Variants in STAM observed in about 807,000 individuals in gnomAD.
The protein encoded by STAM is signal transducing adaptor molecule, also known as signal transducing adapter molecule 1.
Under a neutral mutation model 63.4 loss-of-function variants are expected in STAM, and 16 were observed. The observed-to-expected ratio is 0.25, with a 90% CI of 0.17 to 0.38. The LOEUF is 0.38. STAM is among the 10% of genes least tolerant of loss of function. The pLI is 1.00. For synonymous variants in STAM, 238 were observed against 223.9 expected (o/e 1.06, Z -0.56); for missense variants, 636 against 657.1 (o/e 0.97, Z 0.35).
intron 2 of STAM, among the ~76,000 whole-genome samples, chr10:17,668,861 A>G (rs1157044388): frequency 3.3e-5 from 5 of 152,204 alleles, no homozygotes; most frequent in African/African-American, 1.2e-4. Flanking sequence ...TTATTAACCT[A>G]CTGAAGGACA....
At chr10:17,675,303 AG>A (rs1834801851) in intron 2 of STAM, among the ~76,000 whole-genome samples, 1 of 152,214 alleles carries the variant, frequency 6.6e-6, no homozygotes, top group Non-Finnish European at 1.5e-5. Context: ...CAGGAGTTTG[AG>A]ACCAGCCTGG....
chr10:17,714,446 C>G, intron 13 of STAM, 97 bp from the exon 14 acceptor site: 1 of 1,130,052 alleles, frequency 8.8e-7, no homozygotes, highest in East Asian at 2.4e-5. Flanking sequence ...AATGAATTGA[C>G]TATATGAATG....
At chr10:17,713,957 G>C (rs1299751173) in intron 13 of STAM, among the ~76,000 whole-genome samples, 3 of 151,930 alleles carry the variant, frequency 2.0e-5, no homozygotes, top group Admixed American at 6.6e-5. Flanking sequence ...CTCTCCCCTC[G>C]GCACCCCCTG....
At chr10:17,675,924 A>G (rs1243386003) in intron 2 of STAM, among the ~76,000 whole-genome samples, 2 of 152,168 alleles carry the variant, frequency 1.3e-5, no homozygotes, top group Admixed American at 6.5e-5. Flanking sequence ...ATAGCACTCC[A>G]TGTGGTGGAA....
Position 17,715,516 on chromosome 10 carries a change from T to C in STAM, c.*736T>C, listed in dbSNP as rs1836779864. ...TTGGTGCAATTATAGCAAATGATAA[T>C]GTTCCCTTTTGAACTTTTACATTTT... is the stretch of plus-strand genomic sequence containing the variant. On this transcript the variant is annotated 3_prime_UTR_variant, in exon 14 of 14. Transcript: ENST00000377524. The C allele has an allele frequency of 6.6e-6, 1 of 152,596 alleles. No homozygotes were observed. Among genetic ancestry groups the C allele is most frequent in the Admixed American group, 6.5e-5 (1 of 15,284 alleles). The allele number at this position is 152,596 out of a possible 1,614,324, so 9.5% of individuals were successfully genotyped here.
chr10:17,695,258 AT>A lies in STAM; in HGVS notation c.728+20del. On this transcript the variant is annotated intron_variant, in intron 7 of 13. Coordinates refer to ENST00000377524, the MANE Select transcript of STAM (RefSeq NM_003473.4). ...TGATGACAGGTAATGTTAATATTACATTTAAAATTTGTATGAAAGTGTGTAT... is the reference window on the plus strand; with the variant it reads ...TGATGACAGGTAATGTTAATATTACATTAAAATTTGTATGAAAGTGTGTAT... 6.2e-7 allele frequency: 1 copy of A among 1,605,444 alleles called. No homozygotes were observed. The highest frequency in any genetic ancestry group is 1.7e-5 in the Admixed American group (1 of 59,456).
At chr10:17,711,236 G>T (rs1159711243) in intron 13 of STAM, among the ~76,000 whole-genome samples, 1 of 152,198 alleles carries the variant, frequency 6.6e-6, no homozygotes, top group Non-Finnish European at 1.5e-5. Flanking sequence ...TCCTAGGACA[G>T]TCTTATTGTT....
intron 1 of STAM, among the ~76,000 whole-genome samples, chr10:17,645,336 C>T (rs1463030088): frequency 1.3e-5 from 2 of 152,012 alleles, no homozygotes; most frequent in African/African-American, 4.8e-5. Flanking sequence ...ATTTACTTGT[C>T]TTTGTGTATT....
chr10:17,676,724 C>T (rs1834871695), intron 2 of STAM, among the ~76,000 whole-genome samples: 1 of 152,078 alleles, frequency 6.6e-6, no homozygotes, highest in African/African-American at 2.4e-5. Flanking sequence ...AAGGGTACTG[C>T]CATAGAGAAT....
At chr10:17,654,895 G>A (rs1554821968) in intron 1 of STAM, among the ~76,000 whole-genome samples, 1 of 152,084 alleles carries the variant, frequency 6.6e-6, no homozygotes, top group East Asian at 1.9e-4. Flanking sequence ...TCTTAATGTT[G>A]TTCTCTTATT....
Position 17,644,199 on chromosome 10 carries a change from GT to G in STAM, c.-140del, listed in dbSNP as rs1468491007. The G allele has an allele frequency of 1.1e-6, 1 of 873,810 alleles. No homozygotes were observed. The highest frequency in any genetic ancestry group is 1.7e-5 in the African/African-American group (1 of 59,796). 54.1% of individuals were successfully genotyped at this position (873,810 alleles called of 1,614,324 possible). ...CTGCTGCCGCGGTTGGTGGGGTTGG[GT>G]GAGAGGAGGAGCTGTCGCGGACCCT... On this transcript the variant is annotated 5_prime_UTR_variant, in exon 1 of 14. Coordinates refer to ENST00000377524, the MANE Select transcript of STAM (RefSeq NM_003473.4).
intron 9 of STAM, among the ~76,000 whole-genome samples, chr10:17,701,941 C>G (rs1360546498): frequency 6.6e-6 from 1 of 151,860 alleles, no homozygotes. Flanking sequence ...AAAATAGGAC[C>G]AAAATGAATT....
intron 2 of STAM, chr10:17,672,954 T>G: frequency 2.3e-6 from 2 of 886,722 alleles, no homozygotes; most frequent in Non-Finnish European, 2.7e-6. Context: ...GACCCCTATC[T>G]TTTTCTTTTC....
intron 2 of STAM, among the ~76,000 whole-genome samples, chr10:17,673,692 A>G: frequency 6.6e-6 from 1 of 152,216 alleles, no homozygotes; most frequent in East Asian, 1.9e-4. Flanking sequence ...AACCCAACAG[A>G]AGAGAGGTGT....
intron 2 of STAM, among the ~76,000 whole-genome samples, chr10:17,664,177 A>G (rs1326535084): frequency 2.6e-5 from 4 of 152,116 alleles, no homozygotes; most frequent in Non-Finnish European, 4.4e-5. Flanking sequence ...ATATTCACAG[A>G]TCAACTTAGT....
chr10:17,652,846 A>G (rs575172665), intron 1 of STAM, among the ~76,000 whole-genome samples: 1 of 151,910 alleles, frequency 6.6e-6, no homozygotes, highest in Non-Finnish European at 1.5e-5. Flanking sequence ...AGGCTCTGGG[A>G]CTCCTCAATC....
At chr10:17,654,222 T>C (rs1342910333) in intron 1 of STAM, among the ~76,000 whole-genome samples, 2 of 151,808 alleles carry the variant, frequency 1.3e-5, no homozygotes, top group Non-Finnish European at 2.9e-5. Context: ...TTGTTATTAT[T>C]ATTATTATTA....
In STAM at chr10:17,648,405, G is replaced by T. The variant is rs143962408; in HGVS notation, c.40+4026G>T. ...AGGACATGGGCGGGGACAAATAAGAGAATAAAAGCTGGGCACCCTAGCCAG... is the reference window on the plus strand; with the variant it reads ...AGGACATGGGCGGGGACAAATAAGATAATAAAAGCTGGGCACCCTAGCCAG... On this transcript the variant is annotated intron_variant, in intron 1 of 13. Coordinates refer to ENST00000377524, the MANE Select transcript of STAM (RefSeq NM_003473.4). 6.1e-3 allele frequency among the ~76,000 whole-genome samples: 924 copies of T among 152,260 alleles called. 11 individuals carry two copies. The highest frequency in any genetic ancestry group is 0.021 in the African/African-American group (869 of 41,538).
chr10:17,683,994 A>G (rs572723068), intron 2 of STAM, among the ~76,000 whole-genome samples: 2 of 152,348 alleles, frequency 1.3e-5, no homozygotes, highest in South Asian at 4.1e-4. Context: ...CTGCATTGCT[A>G]GGGTCTAAAC....
Sources: gnomAD v4.1 joint callset for allele counts (sites outside exome capture counted in the v4.1 genomes callset) on GRCh38, gnomAD v4.1.1 for gene constraint, MANE v1.5 for transcripts, NCBI Gene and HGNC (gene_info 2026-07-23, HGNC 2026-07-21) for gene names.